Variants in MYRIP observed in about 807,000 individuals in gnomAD.
The protein encoded by MYRIP is rab effector MyRIP.
A neutral mutation model predicts 98.0 loss-of-function variants in MYRIP; 49 were observed. The observed-to-expected ratio is 0.50, with a 90% CI of 0.40 to 0.63. The LOEUF (loss-of-function observed/expected upper bound fraction) is 0.63, where lower values mean the gene tolerates loss of function less well. Among genes scored for constraint, MYRIP ranks in the 30% least tolerant of loss-of-function variants. MYRIP has a pLI of 0.00. For synonymous variants in MYRIP, 404 were observed against 409.5 expected, an observed-to-expected ratio of 0.99 and a Z score of 0.16; for missense variants, 1,004 against 1,058.2, an observed-to-expected ratio of 0.95 and a Z score of 0.71.
chr3:40,168,966 C>T (rs187001297), intron 7 of MYRIP, among the ~76,000 whole-genome samples: 115 of 152,326 alleles, frequency 7.5e-4, no homozygotes, highest in African/African-American at 2.0e-3. Flanking sequence ...AGTAGACTCA[C>T]CACACCCAAA....
intron 9 of MYRIP, among the ~76,000 whole-genome samples, chr3:40,184,069 A>G (rs1274126061): frequency 3.9e-5 from 6 of 152,298 alleles, no homozygotes; most frequent in Admixed American, 3.9e-4. Context: ...TTCTTTACTT[A>G]TGTATATGGT....
At chr3:40,022,331 C>T (rs1222821134) in intron 2 of MYRIP, among the ~76,000 whole-genome samples, 2 of 152,146 alleles carry the variant, frequency 1.3e-5, no homozygotes, top group Admixed American at 1.3e-4. Flanking sequence ...AAGTACAAAG[C>T]AGTAGCTATG....
At chr3:39,881,106 T>C (rs1943146323) in intron 1 of MYRIP, among the ~76,000 whole-genome samples, 1 of 152,200 alleles carries the variant, frequency 6.6e-6, no homozygotes, top group Non-Finnish European at 1.5e-5. Context: ...CTAACTATTT[T>C]TTTAATTTAG....
intron 12 of MYRIP, among the ~76,000 whole-genome samples, chr3:40,235,627 G>A (rs886618289): frequency 3.3e-5 from 5 of 152,336 alleles, no homozygotes; most frequent in South Asian, 2.1e-4. Flanking sequence ...TTACTGAACT[G>A]TAAGCAGAGT....
intron 2 of MYRIP, among the ~76,000 whole-genome samples, chr3:40,017,748 A>T (rs569176671): frequency 7.1e-6 from 1 of 140,388 alleles, no homozygotes; most frequent in East Asian, 2.1e-4. Flanking sequence ...CAAGGAACTG[A>T]CTTACTCCGG....
intron 1 of MYRIP, among the ~76,000 whole-genome samples, chr3:39,884,430 T>G (rs1271788208): frequency 2.0e-5 from 3 of 152,080 alleles, no homozygotes; most frequent in African/African-American, 7.2e-5. Flanking sequence ...GGGTGATTTT[T>G]GGAGAAGATT....
intron 2 of MYRIP, among the ~76,000 whole-genome samples, chr3:39,911,929 C>A (rs1018843879): frequency 2.6e-5 from 4 of 152,238 alleles, no homozygotes; most frequent in Non-Finnish European, 5.9e-5. Flanking sequence ...CTGATACCTG[C>A]AGAAGGAAAT....
At chr3:39,917,472 TTAAA>T (rs869148773) in intron 2 of MYRIP, among the ~76,000 whole-genome samples, 10 of 145,606 alleles carry the variant, frequency 6.9e-5, no homozygotes, top group African/African-American at 1.3e-4. Flanking sequence ...AATAGGAAAA[TTAAA>T]AAAAAAAAAG....
intron 3 of MYRIP, among the ~76,000 whole-genome samples, chr3:40,145,905 A>G (rs1300184771): frequency 6.6e-6 from 1 of 152,216 alleles, no homozygotes; most frequent in Non-Finnish European, 1.5e-5. Context: ...ACTAAGTGGA[A>G]AAAACAAGTT....
intron 11 of MYRIP, among the ~76,000 whole-genome samples, chr3:40,212,243 C>T (rs71614193): frequency 0.71 from 19,221 of 27,038 alleles, 6,088 homozygotes; most frequent in Non-Finnish European, 0.81. Context: ...CACACACACA[C>T]ACATATATAT....
chr3:40,041,383 G>C lies in MYRIP; in HGVS notation c.111-2667G>C, dbSNP rs567126299. On this transcript the variant is annotated intron_variant, in intron 2 of 16. Transcript: ENST00000302541. ...GACACCAACCTAAGCGGTGAACAGA[G>C]TTAACAACATTAATGGGACCAACTG... 1.4e-3 allele frequency among the ~76,000 whole-genome samples: 206 copies of C among 144,348 alleles called. 1 individual carries two copies. The highest frequency in any genetic ancestry group is 5.1e-3 in the African/African-American group (200 of 39,178). The allele number at this position is 144,348 out of a possible 152,430, so 94.7% of individuals were successfully genotyped here. A position where few individuals can be genotyped will look rare whatever the true frequency, so the allele number is the denominator to read the frequency against.
At chr3:40,104,140 G>T (rs984393932) in intron 3 of MYRIP, among the ~76,000 whole-genome samples, 2 of 152,176 alleles carry the variant, frequency 1.3e-5, no homozygotes, top group Non-Finnish European at 2.9e-5. Context: ...CAAACCCCAT[G>T]TGCAGGAGAG....
chr3:40,195,335 A>G (rs978304322), intron 10 of MYRIP, among the ~76,000 whole-genome samples: 1 of 152,146 alleles, frequency 6.6e-6, no homozygotes, highest in African/African-American at 2.4e-5. Context: ...TTGTTCTGTC[A>G]CCCATGCTGG....
intron 3 of MYRIP, among the ~76,000 whole-genome samples, chr3:40,082,781 T>G (rs1948506695): frequency 6.6e-6 from 1 of 152,370 alleles, no homozygotes; most frequent in Admixed American, 6.5e-5. Flanking sequence ...AAATGGCATG[T>G]GTAATGGATA....
At chr3:40,046,958 A>G (rs1325450999) in intron 3 of MYRIP, among the ~76,000 whole-genome samples, 2 of 152,182 alleles carry the variant, frequency 1.3e-5, no homozygotes, top group Non-Finnish European at 2.9e-5. Context: ...CAGCCTGTCA[A>G]CCCCACATTT....
At chr3:39,931,438 G>A (rs1944533734) in intron 2 of MYRIP, among the ~76,000 whole-genome samples, 1 of 151,426 alleles carries the variant, frequency 6.6e-6, no homozygotes, top group South Asian at 2.1e-4. Context: ...GACTCCTTAA[G>A]ATTTTCAGTA....
intron 2 of MYRIP, among the ~76,000 whole-genome samples, chr3:39,931,369 T>C (rs180802104): frequency 6.6e-6 from 1 of 152,208 alleles, no homozygotes; most frequent in Non-Finnish European, 1.5e-5. Flanking sequence ...TTGTTTTTTA[T>C]ATTGATCTTT....
intron 11 of MYRIP, among the ~76,000 whole-genome samples, chr3:40,210,641 C>T (rs1199721366): frequency 2.0e-5 from 3 of 152,112 alleles, no homozygotes; most frequent in Non-Finnish European, 4.4e-5. Context: ...TATATGGAAT[C>T]CCAGTGTTTC....
chr3:40,124,802 C>G (rs1406895439), intron 3 of MYRIP, among the ~76,000 whole-genome samples: 1 of 152,184 alleles, frequency 6.6e-6, no homozygotes, highest in Non-Finnish European at 1.5e-5. Context: ...CCCCACCTGG[C>G]ATGGCTGCTG....
Sources: allele counts gnomAD v4.1 joint callset (sites outside exome capture counted in the v4.1 genomes callset), GRCh38; gene constraint gnomAD v4.1.1; transcripts MANE v1.5; gene names NCBI Gene and HGNC (gene_info 2026-07-23, HGNC 2026-07-21).